RNF121: variants seen among roughly 807,000 people sequenced by gnomAD.
RNF121 encodes the protein E3 ubiquitin ligase RNF121.
RNF121 carries 21 observed loss-of-function variants against 46.5 expected under a neutral mutation model. The ratio of observed to expected loss-of-function variants is 0.45; its 90% CI spans 0.32 to 0.65. The LOEUF (loss-of-function observed/expected upper bound fraction) is 0.65, where lower values mean the gene tolerates loss of function less well. Ranked by LOEUF, RNF121 falls within the 30% of genes least tolerant of loss-of-function variation. The pLI, the probability that RNF121 is intolerant of heterozygous loss-of-function variation, is 0.04. For missense variants in RNF121, 346 were observed against 416.0 expected (o/e 0.83, Z 1.46); for synonymous variants, 139 against 144.7 (o/e 0.96, Z 0.28).
At chr11:71,949,702 AAC>A (rs1399532960) in intron 1 of RNF121, among the ~76,000 whole-genome samples, 2 of 151,952 alleles carry the variant, frequency 1.3e-5, no homozygotes, top group African/African-American at 4.8e-5. Flanking sequence ...TCCATCTCAA[AAC>A]ACATGCACAC....
rs1171521607 is a variant in RNF121, at chr11:71,995,507, C to G, written c.819C>G (p.Pro273=). The change falls in exon 8 of 9, where the codon CCC becomes CCG. Residue 273 remains proline (P), a synonymous_variant. Transcript: ENST00000361756. ...WCIVGKKQTC[P]YCKEKVDLKR... ...TCGTGGGAAAGAAGCAAACGTGTCC[C>G]TACTGCAAAGAGAAGGTAGACCTCA... 1 of 1,596,236 alleles carries G rather than the reference C, an allele frequency of 6.3e-7. No homozygotes were observed. Among genetic ancestry groups the G allele is most frequent in the African/African-American group, 1.3e-5 (1 of 74,668 alleles).
chr11:71,933,627 T>G (rs765419497), intron 1 of RNF121, among the ~76,000 whole-genome samples: 1 of 152,224 alleles, frequency 6.6e-6, no homozygotes, highest in African/African-American at 2.4e-5. Flanking sequence ...GTCCACTGAT[T>G]GGGTGACCCC....
rs1017180644 is a variant in RNF121, at chr11:71,969,004, G to T, written c.243+8113G>T. Among the ~76,000 whole-genome samples, 7 of 150,950 alleles carry T rather than the reference G, an allele frequency of 4.6e-5. No homozygotes were observed. The East Asian group carries it at 1.4e-3, about 30-fold the overall frequency. On this transcript the variant is annotated intron_variant, in intron 3 of 8. Transcript: ENST00000361756. ...GGGTTCAAGTGATTCTCCTGCCTCA[G>T]CCTCCCAAGTAGCTGGGATTATGGG...
At chr11:71,988,856 A>G (rs1954816149) in intron 5 of RNF121, among the ~76,000 whole-genome samples, 1 of 152,074 alleles carries the variant, frequency 6.6e-6, no homozygotes, top group Non-Finnish European at 1.5e-5. Flanking sequence ...CCTATTTTAT[A>G]TAGTGAGAGT....
chr11:71,966,168 C>T (rs1010551117), intron 3 of RNF121, among the ~76,000 whole-genome samples: 3 of 152,154 alleles, frequency 2.0e-5, no homozygotes, highest in African/African-American at 7.2e-5. Flanking sequence ...TACAGGCGTG[C>T]GCCACCATGC....
At chr11:71,967,590 T>G (rs1184275044) in intron 3 of RNF121, among the ~76,000 whole-genome samples, 1 of 152,092 alleles carries the variant, frequency 6.6e-6, no homozygotes, top group African/African-American at 2.4e-5. Flanking sequence ...TTAGTACAAA[T>G]GTATTTTTGT....
At chr11:71,947,764 G>A (rs1188229310) in intron 1 of RNF121, among the ~76,000 whole-genome samples, 1 of 152,230 alleles carries the variant, frequency 6.6e-6, no homozygotes, top group African/African-American at 2.4e-5. Context: ...GCAATCAGGT[G>A]TGTGTCTAAT....
chr11:71,949,778 C>T (rs763543711), intron 1 of RNF121, among the ~76,000 whole-genome samples: 6 of 151,010 alleles, frequency 4.0e-5, no homozygotes, highest in African/African-American at 7.3e-5. Flanking sequence ...GGGTGGATCA[C>T]GAGGTCAGGA....
At chr11:71,943,568 G>A (rs915904125) in intron 1 of RNF121, among the ~76,000 whole-genome samples, 22 of 152,190 alleles carry the variant, frequency 1.4e-4, no homozygotes, top group African/African-American at 5.1e-4. Context: ...ATTTACCAAG[G>A]TACTGCATTA....
rs550689749 is a variant in RNF121 at position 71,939,418 on chromosome 11, G to A, written c.63+10294G>A. 8 of 157,986 alleles carry A rather than the reference G, an allele frequency of 5.1e-5. No individual in the cohort carries two copies. In the South Asian group the frequency reaches 9.8e-4, roughly 19 times the overall value. The allele number at this position is 157,986 out of a possible 1,614,324, so 9.8% of individuals were successfully genotyped here. ...GCTTTTTGGATTTGCACCGCCCCCC[G>A]CAACTTCCCTCCACCCCTATGGCCT... is the stretch of plus-strand genomic sequence containing the variant. On this transcript the variant is annotated intron_variant, in intron 1 of 8. Transcript: ENST00000361756.
chr11:71,958,088 A>G (rs1954035132), intron 2 of RNF121, among the ~76,000 whole-genome samples: 1 of 152,232 alleles, frequency 6.6e-6, no homozygotes, highest in South Asian at 2.1e-4. Context: ...AATTTAAAAG[A>G]TGTTCGTAGA....
At chr11:71,946,036 A>G (rs1245833555) in intron 1 of RNF121, among the ~76,000 whole-genome samples, 1 of 152,078 alleles carries the variant, frequency 6.6e-6, no homozygotes, top group Admixed American at 6.5e-5. Flanking sequence ...ACTTGAGCCC[A>G]GGAGGTTGAG....
intron 2 of RNF121, among the ~76,000 whole-genome samples, chr11:71,957,737 T>C (rs181266970): frequency 7.2e-5 from 11 of 152,304 alleles, no homozygotes; most frequent in Non-Finnish European, 1.5e-4. Context: ...GAGCTCTGGT[T>C]AAGAAAATGG....
At chr11:71,981,534 G>T (rs1325480051) in intron 3 of RNF121, among the ~76,000 whole-genome samples, 1 of 152,144 alleles carries the variant, frequency 6.6e-6, no homozygotes, top group Non-Finnish European at 1.5e-5. Context: ...CACTGGAGAA[G>T]GATGACATCT....
intron 3 of RNF121, among the ~76,000 whole-genome samples, chr11:71,974,912 A>C (rs974567771): frequency 6.6e-6 from 1 of 152,192 alleles, no homozygotes. Flanking sequence ...TGCGTAGCTC[A>C]GTTTTCATCA....
chr11:71,942,175 C>G (rs535316639), intron 1 of RNF121, among the ~76,000 whole-genome samples: 6 of 151,986 alleles, frequency 3.9e-5, no homozygotes, highest in African/African-American at 1.4e-4. Context: ...CCTAATAATC[C>G]ATCTGCCTCG....
At chr11:71,946,322 A>G (rs1252356544) in intron 1 of RNF121, among the ~76,000 whole-genome samples, 1 of 152,234 alleles carries the variant, frequency 6.6e-6, no homozygotes, top group African/African-American at 2.4e-5. Context: ...AACATGGGTG[A>G]TGGGTGATCC....
At chr11:71,980,783 G>A (rs1184056267) in intron 3 of RNF121, among the ~76,000 whole-genome samples, 2 of 152,202 alleles carry the variant, frequency 1.3e-5, no homozygotes, top group Non-Finnish European at 2.9e-5. Flanking sequence ...TACTTGAAAT[G>A]TAGCTAGTCT....
At chr11:71,954,015 A>G (rs188651902) in intron 1 of RNF121, among the ~76,000 whole-genome samples, 162 of 152,302 alleles carry the variant, frequency 1.1e-3, no homozygotes, top group African/African-American at 3.8e-3. Context: ...TTGGGGAGCA[A>G]TTGGCTAGCA....
Sources: allele counts gnomAD v4.1 joint callset (sites outside exome capture counted in the v4.1 genomes callset), GRCh38; gene constraint gnomAD v4.1.1; transcripts MANE v1.5; gene names NCBI Gene and HGNC (gene_info 2026-07-23, HGNC 2026-07-21).